The following CHD7 variants were observed in gnomAD, a reference collection of about 807,000 sequenced individuals.
CHD7 encodes chromodomain helicase DNA binding protein 7.
A neutral mutation model predicts 307.3 loss-of-function variants in CHD7; 24 were observed. That is an observed-to-expected ratio of 0.08 (90% CI 0.06 to 0.11). CHD7 has a LOEUF of 0.11. Ranked by LOEUF, CHD7 falls within the 10% of genes least tolerant of loss-of-function variation. The pLI is 1.00. For synonymous variants in CHD7, 1,363 were observed against 1,349.9 expected, an observed-to-expected ratio of 1.01 and a Z score of -0.21; for missense variants, 3,106 against 3,727.1, an observed-to-expected ratio of 0.83 and a Z score of 4.34.
chr8:60,763,044 G>A (rs1275646645), intron 2 of CHD7, among the ~76,000 whole-genome samples: 1 of 152,156 alleles, frequency 6.6e-6, no homozygotes, highest in Non-Finnish European at 1.5e-5. Flanking sequence ...GGTGAGGCCA[G>A]CAAAGAAATG....
rs1242644766 is a variant in CHD7 at position 60,844,954 on chromosome 8, G to A, written c.4941G>A (p.Leu1647=). The A allele has an allele frequency of 1.2e-6, 2 of 1,613,754 alleles. No individual in the cohort carries two copies. Among genetic ancestry groups the A allele is most frequent in the East Asian group, 4.5e-5 (2 of 44,892 alleles). Residue 1647 remains leucine, a synonymous_variant, in exon 22 of 38, where the codon CTG becomes CTA. Coordinates refer to ENST00000423902, the MANE Select transcript of CHD7 (RefSeq NM_017780.4). ...QDVETICRTI[L]VYCLNHYKGD... is the part of the protein sequence containing the mutation. ...TAGAAACCATCTGCAGAACCATCCT[G>A]GTGTACTGTCTTAATCATTACAAAG...
intron 6 of CHD7, among the ~76,000 whole-genome samples, chr8:60,803,649 C>T (rs182427936): frequency 5.2e-4 from 79 of 152,140 alleles, no homozygotes; most frequent in Non-Finnish European, 8.7e-4. Context: ...ATGTGGAGCT[C>T]ATGGAATTGC....
chr8:60,764,729 C>T (rs943056406), intron 2 of CHD7, among the ~76,000 whole-genome samples: 3 of 152,110 alleles, frequency 2.0e-5, no homozygotes, highest in African/African-American at 7.2e-5. Context: ...ATCCCAGTTA[C>T]CATGTAGTGA....
Position 60,851,316 on chromosome 8 carries a change from A to T in CHD7, c.5662A>T (p.Thr1888Ser). ...GGAAGAATCCATGGAAATACATGCC[A>T]CAGGTAAGGTCCCAGAAAAGCTTGT... ...DKEESMEIHA[T>S]GKHSESNAEL... Residue 1888 changes from threonine to serine, a missense_variant, in exon 28 of 38, where the codon ACA becomes TCA. Transcript: ENST00000423902. The T allele has an allele frequency of 6.4e-7, 1 of 1,558,618 alleles. No individual in the cohort carries two copies. Among genetic ancestry groups the T allele is most frequent in the Non-Finnish European group, 8.7e-7 (1 of 1,150,076 alleles).
Position 60,751,100 on chromosome 8 carries a change from G to A in CHD7, c.1665+8003G>A, listed in dbSNP as rs182393688. Among the ~76,000 whole-genome samples the A allele has an allele frequency of 9.2e-5, 14 of 152,334 alleles. No homozygotes were observed. The East Asian group carries it at 2.5e-3, about 27-fold the overall frequency. ...GGTGTTTGTCCTGTGGGAAAAAATA[G>A]CGTGTTTGTCTGAAAGGTGGATTAC... On this transcript the variant is annotated intron_variant, in intron 2 of 37. Transcript: ENST00000423902.
intron 15 of CHD7, among the ~76,000 whole-genome samples, chr8:60,834,971 C>G (rs1045895007): frequency 2.0e-5 from 3 of 152,140 alleles, no homozygotes; most frequent in African/African-American, 7.2e-5. Flanking sequence ...ATGTTAAAAA[C>G]CAGTGGTAGG....
chr8:60,770,444 C>T (rs1273555925), intron 2 of CHD7, among the ~76,000 whole-genome samples: 1 of 152,140 alleles, frequency 6.6e-6, no homozygotes, highest in Non-Finnish European at 1.5e-5. Flanking sequence ...TTTTTGACCC[C>T]TCAGCAGTGT....
intron 23 of CHD7, among the ~76,000 whole-genome samples, chr8:60,847,401 G>C (rs1805259619): frequency 6.6e-6 from 1 of 152,320 alleles, no homozygotes; most frequent in East Asian, 1.9e-4. Context: ...CTTATCTTCT[G>C]CTACCATCAG....
intron 2 of CHD7, among the ~76,000 whole-genome samples, chr8:60,767,844 A>G (rs958151873): frequency 1.3e-5 from 2 of 152,248 alleles, no homozygotes; most frequent in African/African-American, 4.8e-5. Context: ...ATACTTAAGC[A>G]TAATTATTCT....
chr8:60,779,471 C>G (rs1202835131), intron 2 of CHD7, among the ~76,000 whole-genome samples: 1 of 152,154 alleles, frequency 6.6e-6, no homozygotes, highest in Admixed American at 6.5e-5. Context: ...GCCACATCAC[C>G]TTCTTGGACT....
chr8:60,751,655 G>A (rs876957), intron 2 of CHD7, among the ~76,000 whole-genome samples: 79,249 of 152,114 alleles, frequency 0.52, 24,941 homozygotes, highest in East Asian at 0.78. Context: ...CTTTTGCCTT[G>A]TAAAACTTTA....
At chr8:60,708,841 C>T (rs954137032) in intron 1 of CHD7, among the ~76,000 whole-genome samples, 2 of 152,134 alleles carry the variant, frequency 1.3e-5, no homozygotes, top group Non-Finnish European at 2.9e-5. Context: ...TTATATTGTC[C>T]TTTCATTCTA....
Position 60,866,146 on chromosome 8 carries a change from A to G in CHD7, c.*213A>G, listed in dbSNP as rs184367600. On this transcript the variant is annotated 3_prime_UTR_variant, in exon 38 of 38. Transcript: ENST00000423902. Reference sequence around the variant, plus strand: ...GCATTATTTATTATCCCTAGGAGAGATGAAATTTGAGAGGTGATCATGTCT... The same window carrying G: ...GCATTATTTATTATCCCTAGGAGAGGTGAAATTTGAGAGGTGATCATGTCT... The G allele has an allele frequency of 3.1e-5, 13 of 421,164 alleles. No homozygotes were observed. Among genetic ancestry groups the G allele is most frequent in the African/African-American group, 2.4e-4 (12 of 49,540 alleles). The allele number at this position is 421,164 out of a possible 1,614,324, so 26.1% of individuals were successfully genotyped here.
Position 60,856,459 on chromosome 8 carries a change from C to A in CHD7, c.7179C>A (p.Asn2393Lys), listed in dbSNP as rs753446252. The change falls in exon 34 of 38, where the codon AAC (asparagine) becomes AAA (lysine). Residue 2393 changes from asparagine to lysine, a missense_variant. Around this residue, in one of 10 missense-constraint regions of CHD7, gnomAD observed 1,030 missense variants for 1,165.4 expected, o/e 0.88. Transcript: ENST00000423902. ...TTTTTCAATAGGAAGATGCCCTCAA[C>A]CTCTCTGTCCCTCGCCAGCGGAGGA... ...SPQLSKEDAL[N>K]LSVPRQRRRR... 4.3e-6 allele frequency: 7 copies of A among 1,611,134 alleles called. No individual in the cohort carries two copies. The Admixed American group carries it at 1.2e-4, about 27-fold the overall frequency.
chr8:60,737,210 A>G (rs1282786628), intron 1 of CHD7, among the ~76,000 whole-genome samples: 6 of 152,138 alleles, frequency 3.9e-5, no homozygotes, highest in Non-Finnish European at 8.8e-5. Context: ...TGGTGTTGAT[A>G]TATGCTTGTT....
chr8:60,829,262 C>T (rs943212181), intron 14 of CHD7, among the ~76,000 whole-genome samples: 1 of 152,314 alleles, frequency 6.6e-6, no homozygotes, highest in Non-Finnish European at 1.5e-5. Flanking sequence ...AGGGCATAAC[C>T]ACTGCACAGT....
chr8:60,748,987 T>TA (rs372874769), intron 2 of CHD7, among the ~76,000 whole-genome samples: 48 of 149,304 alleles, frequency 3.2e-4, no homozygotes, highest in African/African-American at 1.1e-3. Flanking sequence ...TTTTTTTTTT[T>TA]AAAAAAATAG....
chr8:60,739,060 G>T (rs1808857195), intron 1 of CHD7, among the ~76,000 whole-genome samples: 1 of 152,128 alleles, frequency 6.6e-6, no homozygotes, highest in South Asian at 2.1e-4. Flanking sequence ...ATCTGACTCT[G>T]CCTCTGCCTC....
In CHD7 at chr8:60,852,202, C is replaced by T. The variant is rs1418971578; in HGVS notation, c.5849C>T (p.Ala1950Val). The stretch of plus-strand genomic sequence containing the variant: ...CGGCGGCCTCGAGAGGAAGTGAGAG[C>T]TCTGGAAGCGGAAAGGGAAGCTATT... ...RRRRPREEVR[A>V]LEAEREAIIS... Residue 1950 changes from alanine (A) to valine (V), a missense_variant, in exon 29 of 38, where the codon GCT (alanine) becomes GTT (valine). Physicochemically the swap from Ala to Val is moderately conservative, Grantham distance 64. This residue lies in a region of CHD7 where 1,030 missense variants were observed against 1,165.4 expected (regional missense o/e 0.88). Coordinates refer to ENST00000423902, the MANE Select transcript of CHD7 (RefSeq NM_017780.4). 5 of 1,613,608 alleles carry T rather than the reference C, an allele frequency of 3.1e-6. No individual in the cohort carries two copies. The African/African-American group carries it at 6.7e-5, about 22-fold the overall frequency.
Sources: gnomAD v4.1 joint callset for allele counts (sites outside exome capture counted in the v4.1 genomes callset) on GRCh38, gnomAD v4.1.1 for gene constraint, gnomAD v4.1.1 regional missense constraint, MANE v1.5 for transcripts, NCBI Gene and HGNC (gene_info 2026-07-23, HGNC 2026-07-21) for gene names.